GSG1L: variants seen among roughly 807,000 people sequenced by gnomAD.
GSG1L encodes the protein germ cell-specific gene 1-like protein.
A neutral mutation model predicts 42.1 loss-of-function variants in GSG1L; 24 were observed. The observed-to-expected ratio is 0.57, with a 90% CI of 0.41 to 0.80. The LOEUF (loss-of-function observed/expected upper bound fraction) is 0.80, where lower values mean the gene tolerates loss of function less well. Ranked by LOEUF, GSG1L falls within the 30% of genes least tolerant of loss-of-function variation. The pLI is 0.00. For missense variants in GSG1L, 445 were observed against 472.2 expected (o/e 0.94, Z 0.53); for synonymous variants, 215 against 203.5 (o/e 1.06, Z -0.48).
At chr16:27,886,294 G>A (rs2084028235) in intron 2 of GSG1L, among the ~76,000 whole-genome samples, 1 of 152,172 alleles carries the variant, frequency 6.6e-6, no homozygotes, top group South Asian at 2.1e-4. Flanking sequence ...ACAAAAAGTA[G>A]CCGGGCGTGG....
At chr16:27,822,410 T>A (rs1040323130) in intron 5 of GSG1L, among the ~76,000 whole-genome samples, 15 of 152,054 alleles carry the variant, frequency 9.9e-5, no homozygotes, top group Non-Finnish European at 1.9e-4. Context: ...AGAATTAATG[T>A]TTTTTTGGTT....
At chr16:27,922,296 T>G (rs573322311) in intron 2 of GSG1L, among the ~76,000 whole-genome samples, 1 of 152,210 alleles carries the variant, frequency 6.6e-6, no homozygotes, top group Non-Finnish European at 1.5e-5. Context: ...ATTTGTCTAA[T>G]TCTATTGATC....
intron 6 of GSG1L, among the ~76,000 whole-genome samples, chr16:27,806,382 A>T (rs900758827): frequency 6.6e-6 from 1 of 152,216 alleles, no homozygotes; most frequent in Admixed American, 6.5e-5. Context: ...AATCAGACAG[A>T]CCTGTGTTTA....
chr16:27,821,055 T>C (rs1241024939), intron 5 of GSG1L, among the ~76,000 whole-genome samples: 5 of 151,938 alleles, frequency 3.3e-5, no homozygotes, highest in African/African-American at 1.2e-4. Context: ...AGCTCAGGGG[T>C]CTCTTCTGTG....
At chr16:28,043,371 G>C (rs1428126709) in intron 1 of GSG1L, among the ~76,000 whole-genome samples, 2 of 152,224 alleles carry the variant, frequency 1.3e-5, no homozygotes, top group African/African-American at 4.8e-5. Flanking sequence ...GAGGCTCGGA[G>C]TCCTCTCTCA....
chr16:27,989,538 G>A (rs990791983), intron 1 of GSG1L, among the ~76,000 whole-genome samples: 1 of 152,066 alleles, frequency 6.6e-6, no homozygotes, highest in Non-Finnish European at 1.5e-5. Context: ...TCAGGAGTTC[G>A]AGACCAGCCT....
At chr16:27,887,952 C>T in intron 2 of GSG1L, 1 of 322,950 alleles carries the variant, frequency 3.1e-6, no homozygotes, top group Non-Finnish European at 4.5e-6. Flanking sequence ...TTCGCTGGCC[C>T]AAGGGCCACC....
At chr16:27,922,142 C>T (rs2084531760) in intron 2 of GSG1L, among the ~76,000 whole-genome samples, 1 of 151,962 alleles carries the variant, frequency 6.6e-6, no homozygotes, top group African/African-American at 2.4e-5. Flanking sequence ...CATCACCCAT[C>T]CTTCACACCC....
At chr16:27,985,355 G>T (rs989502013) in intron 1 of GSG1L, among the ~76,000 whole-genome samples, 1 of 152,034 alleles carries the variant, frequency 6.6e-6, no homozygotes, top group Non-Finnish European at 1.5e-5. Flanking sequence ...CTCGAGAGCT[G>T]GTTGTTTAAA....
intron 4 of GSG1L, among the ~76,000 whole-genome samples, chr16:27,831,050 A>C (rs866799104): frequency 9.2e-5 from 14 of 152,242 alleles, no homozygotes; most frequent in Admixed American, 6.5e-5. Context: ...TTTCTCTGGC[A>C]ACAGTAATTG....
intron 3 of GSG1L, among the ~76,000 whole-genome samples, chr16:27,879,915 C>T (rs916240900): frequency 3.3e-5 from 5 of 151,066 alleles, no homozygotes; most frequent in South Asian, 2.1e-4. Context: ...TCCACAGATG[C>T]GGAACCCATG....
chr16:27,864,766 A>G (rs1237989539), intron 3 of GSG1L, among the ~76,000 whole-genome samples: 1 of 152,194 alleles, frequency 6.6e-6, no homozygotes, highest in Non-Finnish European at 1.5e-5. Context: ...AAAGCTCTGG[A>G]CATTGGCCTA....
At chr16:27,807,618 A>T (rs1162024865) in intron 5 of GSG1L, 64 bp from the exon 6 acceptor site, 14 of 1,409,578 alleles carry the variant, frequency 9.9e-6, no homozygotes, top group Admixed American at 1.9e-5. Context: ...GTGGGCAGAG[A>T]CCCAAAACCT....
chr16:27,946,655 GA>G (rs5816456), intron 2 of GSG1L, among the ~76,000 whole-genome samples: 48,288 of 65,952 alleles, frequency 0.73, 18,288 homozygotes, highest in Admixed American at 0.77. Flanking sequence ...AAGAAAGAAA[GA>G]AAAGAAAGAA....
intron 1 of GSG1L, among the ~76,000 whole-genome samples, chr16:28,004,474 GA>G (rs34685470): frequency 0.33 from 45,611 of 137,092 alleles, 7,500 homozygotes; most frequent in Admixed American, 0.48. Context: ...AGTGAGTGAG[GA>G]AAAAAAAAAA....
chr16:27,955,959 C>T (rs1323133834), intron 2 of GSG1L, among the ~76,000 whole-genome samples: 4 of 132,250 alleles, frequency 3.0e-5, no homozygotes, highest in Non-Finnish European at 5.2e-5. Flanking sequence ...GAAGGAAGGA[C>T]AGGAGGGAGG....
intron 3 of GSG1L, among the ~76,000 whole-genome samples, chr16:27,853,658 TC>T (rs2083541137): frequency 6.6e-6 from 1 of 152,196 alleles, no homozygotes; most frequent in African/African-American, 2.4e-5. Context: ...TGGTTGGAAT[TC>T]TGCCTTTTAA....
intron 1 of GSG1L, among the ~76,000 whole-genome samples, chr16:28,053,634 G>A (rs1313773533): frequency 1.3e-5 from 2 of 152,192 alleles, no homozygotes; most frequent in East Asian, 1.9e-4. Flanking sequence ...TGCTGCTACC[G>A]CCTCCCCTGG....
chr16:27,796,185 A>G (rs2082816040), intron 6 of GSG1L, among the ~76,000 whole-genome samples: 4 of 152,194 alleles, frequency 2.6e-5, no homozygotes, highest in African/African-American at 4.8e-5. Flanking sequence ...CCAATCACCC[A>G]GCCGCTGTCC....
Sources: allele counts gnomAD v4.1 joint callset (sites outside exome capture counted in the v4.1 genomes callset), GRCh38; gene constraint gnomAD v4.1.1; transcripts MANE v1.5; gene names NCBI Gene and HGNC (gene_info 2026-07-23, HGNC 2026-07-21).